The following ATF6 variants were observed in gnomAD, a reference collection of about 807,000 sequenced individuals.
ATF6 encodes cyclic AMP-dependent transcription factor ATF-6 alpha.
ATF6 carries 53 observed loss-of-function variants against 83.6 expected under a neutral mutation model. The observed-to-expected ratio is 0.63, with a 90% CI of 0.51 to 0.80. The LOEUF (loss-of-function observed/expected upper bound fraction) is 0.80, where lower values mean the gene tolerates loss of function less well. ATF6 is among the 30% of genes least tolerant of loss of function. ATF6 has a pLI of 0.00. For synonymous variants in ATF6, 288 were observed against 285.8 expected, an observed-to-expected ratio of 1.01 and a Z score of -0.08; for missense variants, 744 against 797.9, an observed-to-expected ratio of 0.93 and a Z score of 0.81.
intron 9 of ATF6, among the ~76,000 whole-genome samples, chr1:161,834,703 C>T (rs1277067254): frequency 1.3e-5 from 2 of 151,582 alleles, no homozygotes; most frequent in East Asian, 1.9e-4. Flanking sequence ...TGCAGCACAC[C>T]AACATGGCAC....
At chr1:161,799,055 A>G (rs953738648) in intron 6 of ATF6, among the ~76,000 whole-genome samples, 5 of 152,226 alleles carry the variant, frequency 3.3e-5, no homozygotes, top group Non-Finnish European at 7.3e-5. Context: ...AAATAACTTA[A>G]AGTAGAACTA....
chr1:161,921,927 A>G (rs1000723927), intron 15 of ATF6, among the ~76,000 whole-genome samples: 14 of 152,214 alleles, frequency 9.2e-5, no homozygotes, highest in African/African-American at 3.1e-4. Flanking sequence ...GGCATGGGGC[A>G]GCAAGAAATA....
At chr1:161,869,130 G>A (rs749855750) in intron 14 of ATF6, among the ~76,000 whole-genome samples, 67 of 152,060 alleles carry the variant, frequency 4.4e-4, no homozygotes, top group Middle Eastern at 3.4e-3. Context: ...TTTGCCAGAG[G>A]TTTAGTCCCA....
chr1:161,828,122 T>C (rs1406145878), intron 9 of ATF6, among the ~76,000 whole-genome samples: 3 of 151,906 alleles, frequency 2.0e-5, no homozygotes, highest in Admixed American at 6.6e-5. Flanking sequence ...GTTTTTTTTC[T>C]TTTTTTTAAA....
At chr1:161,913,425 A>G (rs894652139) in intron 15 of ATF6, among the ~76,000 whole-genome samples, 13 of 152,240 alleles carry the variant, frequency 8.5e-5, no homozygotes, top group Non-Finnish European at 1.6e-4. Flanking sequence ...AGTGGTATTC[A>G]TCATACATTT....
intron 7 of ATF6, among the ~76,000 whole-genome samples, chr1:161,807,345 C>T (rs554791100): frequency 1.3e-5 from 2 of 152,250 alleles, no homozygotes; most frequent in African/African-American, 2.4e-5. Flanking sequence ...AAGAATAGGA[C>T]GCTGGTTAGG....
intron 6 of ATF6, among the ~76,000 whole-genome samples, chr1:161,801,392 A>G (rs560093485): frequency 0.055 from 1,389 of 25,068 alleles, 8 homozygotes; most frequent in Non-Finnish European, 0.091. Flanking sequence ...TGTCCTTTTT[A>G]GGGATCTGCC....
chr1:161,908,669 A>G (rs1687925390), intron 14 of ATF6, among the ~76,000 whole-genome samples: 1 of 152,196 alleles, frequency 6.6e-6, no homozygotes. Context: ...AAGACATTTC[A>G]GGAGTCCATT....
intron 15 of ATF6, among the ~76,000 whole-genome samples, chr1:161,920,294 C>CTTTTGTTTTTTTTTTTTT (rs1688182176): frequency 1.8e-5 from 1 of 54,846 alleles, no homozygotes; most frequent in Non-Finnish European, 3.3e-5. Flanking sequence ...CTCTCTCTCT[C>CTTTTGTTTTTTTTTTTTT]TTTTTTTTTT....
At chr1:161,917,909 A>G (rs1688133431) in intron 15 of ATF6, among the ~76,000 whole-genome samples, 1 of 152,146 alleles carries the variant, frequency 6.6e-6, no homozygotes, top group Admixed American at 6.5e-5. Context: ...TTTATTTTTT[A>G]TAGATAATGC....
At chr1:161,847,453 T>C (rs1686510690) in intron 10 of ATF6, among the ~76,000 whole-genome samples, 1 of 152,154 alleles carries the variant, frequency 6.6e-6, no homozygotes, top group Admixed American at 6.6e-5. Context: ...AAAAAACTGT[T>C]ATTTTTGTGG....
At chr1:161,811,770 TCCATCCATCCA>T (rs1685468930) in intron 7 of ATF6, among the ~76,000 whole-genome samples, 4 of 138,476 alleles carry the variant, frequency 2.9e-5, no homozygotes, top group African/African-American at 1.0e-4. Context: ...CATCCATCCA[TCCATCCATCCA>T]TCCATCCATA....
At chr1:161,808,424 G>A (rs1185360743) in intron 7 of ATF6, among the ~76,000 whole-genome samples, 1 of 151,984 alleles carries the variant, frequency 6.6e-6, no homozygotes, top group Non-Finnish European at 1.5e-5. Context: ...TAATATGTAA[G>A]TACTTATAGT....
chr1:161,850,444 A>G (rs1032889751), intron 10 of ATF6, among the ~76,000 whole-genome samples: 20 of 151,966 alleles, frequency 1.3e-4, no homozygotes, highest in Admixed American at 1.3e-4. Flanking sequence ...TGTAACTACC[A>G]TCTCCTTCTC....
intron 1 of ATF6, among the ~76,000 whole-genome samples, chr1:161,770,270 C>T (rs1268468397): frequency 6.6e-6 from 1 of 152,120 alleles, no homozygotes; most frequent in African/African-American, 2.4e-5. Flanking sequence ...TTCTTCTTAG[C>T]ACTAAATAGT....
At position 161,961,122 on chromosome 1, in the gene ATF6, A is replaced by G. The variant is rs1013193271; in HGVS notation, c.*2468A>G. On this transcript the variant is annotated 3_prime_UTR_variant, in exon 16 of 16. Coordinates refer to ENST00000367942, the MANE Select transcript of ATF6 (RefSeq NM_007348.4). The stretch of plus-strand genomic sequence containing the variant: ...AGCTTTTTCTATCATCATTTTGCCA[A>G]CTCCTCAGATGCAAGACTTTGGTTA... 10 of 151,832 alleles carry G rather than the reference A, an allele frequency of 6.6e-5. No individual in the cohort carries two copies. Among genetic ancestry groups the G allele is most frequent in the African/African-American group, 2.4e-4 (10 of 41,274 alleles). 9.4% of individuals were successfully genotyped at this position (151,832 alleles called of 1,614,324 possible).
chr1:161,783,873 T>G, intron 3 of ATF6, 117 bp from the exon 4 acceptor site: 1 of 681,204 alleles, frequency 1.5e-6, no homozygotes, highest in Non-Finnish European at 2.5e-6. Context: ...TATATTTTGG[T>G]GACCTTAGCT....
intron 9 of ATF6, among the ~76,000 whole-genome samples, chr1:161,832,392 G>A (rs565068535): frequency 1.3e-5 from 2 of 152,206 alleles, no homozygotes; most frequent in Non-Finnish European, 2.9e-5. Context: ...TCACTGGGGA[G>A]TGCCAGACAG....
intron 7 of ATF6, among the ~76,000 whole-genome samples, chr1:161,812,375 T>C (rs1018597263): frequency 1.9e-3 from 67 of 34,734 alleles, no homozygotes; most frequent in African/African-American, 9.2e-3. Context: ...TATTTTCTTT[T>C]TTTTTTTTTT....
Sources: gnomAD v4.1 joint callset for allele counts (sites outside exome capture counted in the v4.1 genomes callset) on GRCh38, gnomAD v4.1.1 for gene constraint, MANE v1.5 for transcripts, NCBI Gene and HGNC (gene_info 2026-07-23, HGNC 2026-07-21) for gene names.